The following UNC79 variants were observed in gnomAD, a reference collection of about 807,000 sequenced individuals.
The protein encoded by UNC79 is unc-79 subunit of NALCN channel complex, also known as protein unc-79 homolog.
A neutral mutation model predicts 283.1 loss-of-function variants in UNC79; 37 were observed. The ratio of observed to expected loss-of-function variants is 0.13; its 90% CI spans 0.10 to 0.17. The LOEUF (loss-of-function observed/expected upper bound fraction) is 0.17. UNC79 is among the 10% of genes least tolerant of loss of function. UNC79 has a pLI of 1.00. For synonymous variants in UNC79, 1,107 were observed against 1,200.2 expected (o/e 0.92, Z 1.61); for missense variants, 2,272 against 3,211.1 (o/e 0.71, Z 7.07).
intron 43 of UNC79, among the ~76,000 whole-genome samples, chr14:93,686,894 T>C (rs1216808401): frequency 6.6e-6 from 1 of 152,184 alleles, no homozygotes; most frequent in African/African-American, 2.4e-5. Context: ...ACTTTTGCCA[T>C]ATATTCACTT....
intron 1 of UNC79, among the ~76,000 whole-genome samples, chr14:93,457,366 G>T (rs1356382337): frequency 6.6e-6 from 1 of 152,242 alleles, no homozygotes; most frequent in Non-Finnish European, 1.5e-5. Context: ...TGCTATGAAA[G>T]TGCCGAGGAG....
chr14:93,478,389 GAA>G (rs1233882375), intron 4 of UNC79, among the ~76,000 whole-genome samples: 1 of 151,962 alleles, frequency 6.6e-6, no homozygotes, highest in East Asian at 1.9e-4. Flanking sequence ...CGCACAAAGA[GAA>G]AAAAATATTG....
intron 14 of UNC79, among the ~76,000 whole-genome samples, chr14:93,558,284 C>T (rs1013230558): frequency 5.3e-5 from 8 of 152,282 alleles, no homozygotes; most frequent in African/African-American, 7.2e-5. Flanking sequence ...AGGCTGGGCG[C>T]GGTGGCTCAC....
rs540561674 is a variant in UNC79 at position 93,621,749 on chromosome 14, A to C, written c.4516A>C (p.Asn1506His). The change falls in exon 30 of 49, where the codon AAT becomes CAT. Residue 1506 changes from asparagine (N) to histidine (H), a missense_variant. By Grantham distance (68) the Asn-to-His change is moderately conservative. Around this residue, in one of 11 missense-constraint regions of UNC79, gnomAD observed 580 missense variants for 632.2 expected, o/e 0.92. Transcript: ENST00000555664. The surrounding 1 kb of genome is among the most constrained non-coding windows in gnomAD (Gnocchi z 4.8). ...CAAACAAAAATCTCTTGATATAGGGAATGCAGACTCGCTTTTGTTTACATT... is the reference window on the plus strand; with the variant it reads ...CAAACAAAAATCTCTTGATATAGGGCATGCAGACTCGCTTTTGTTTACATT... 1 of 1,614,186 alleles carries C rather than the reference A, an allele frequency of 6.2e-7. No individual in the cohort carries two copies. Among genetic ancestry groups the C allele is most frequent in the African/African-American group, 1.3e-5 (1 of 75,064 alleles).
At chr14:93,349,280 T>C (rs977538223) in intron 1 of UNC79, among the ~76,000 whole-genome samples, 1 of 152,194 alleles carries the variant, frequency 6.6e-6, no homozygotes, top group Non-Finnish European at 1.5e-5. Flanking sequence ...GAGAAACACA[T>C]ATTCACCTGG....
intron 41 of UNC79, among the ~76,000 whole-genome samples, chr14:93,673,826 G>A (rs535938185): frequency 1.5e-3 from 225 of 152,284 alleles, no homozygotes; most frequent in Non-Finnish European, 2.9e-3. Flanking sequence ...AGGTCTGACT[G>A]CAGAGTCAAA....
chr14:93,619,918 T>G (rs78565518), intron 29 of UNC79, among the ~76,000 whole-genome samples: 2,426 of 152,356 alleles, frequency 0.016, 64 homozygotes, highest in African/African-American at 0.055. Flanking sequence ...CCTTTTCTGT[T>G]GCCACTTTGT....
intron 31 of UNC79, among the ~76,000 whole-genome samples, chr14:93,635,010 T>C (rs2068388576): frequency 6.6e-6 from 1 of 152,196 alleles, no homozygotes; most frequent in Non-Finnish European, 1.5e-5. Context: ...TGAGGGAATA[T>C]TTATAGTAAT....
exon 48 of UNC79, chr14:93,704,633 T>A (rs1354831698): frequency 6.2e-7 from 1 of 1,614,216 alleles, no homozygotes; most frequent in East Asian, 2.2e-5. Flanking sequence ...AGCTGATACC[T>A]ATGTGGTTGC....
At chr14:93,618,919 T>C (rs1313404539) in intron 29 of UNC79, among the ~76,000 whole-genome samples, 1 of 152,164 alleles carries the variant, frequency 6.6e-6, no homozygotes, top group Non-Finnish European at 1.5e-5. Context: ...AATGCAACTT[T>C]AGCTAGGGTA....
intron 1 of UNC79, among the ~76,000 whole-genome samples, chr14:93,363,619 G>A (rs920289507): frequency 6.6e-6 from 1 of 152,182 alleles, no homozygotes; most frequent in Admixed American, 6.5e-5. Flanking sequence ...AGGTCTCTAA[G>A]AACTTGTTTT....
At chr14:93,393,268 A>G (rs561522412) in intron 1 of UNC79, among the ~76,000 whole-genome samples, 13 of 152,320 alleles carry the variant, frequency 8.5e-5, no homozygotes, top group African/African-American at 3.1e-4. Flanking sequence ...AAATTCCAAC[A>G]AAAGTTTGGA....
chr14:93,444,008 T>C lies in UNC79; in HGVS notation c.22+12957T>C, dbSNP rs1445844238. 2.0e-5 allele frequency among the ~76,000 whole-genome samples: 3 copies of C among 152,232 alleles called. No homozygotes were observed. The East Asian group carries it at 5.8e-4, about 29-fold the overall frequency. On this transcript the variant is annotated intron_variant, in intron 1 of 48. Transcript: ENST00000555664. ...TATGGTTAATGAATGTTTACCGTTA[T>C]AAGGTATTTCTATACTATTTTGCAA... is the stretch of plus-strand genomic sequence containing the variant.
chr14:93,411,879 C>T (rs565376012), intron 1 of UNC79, among the ~76,000 whole-genome samples: 3 of 152,282 alleles, frequency 2.0e-5, no homozygotes, highest in South Asian at 2.1e-4. Context: ...AATGCCCAGA[C>T]GCAGACAAAC....
chr14:93,597,686 T>G (rs1182852821), intron 24 of UNC79, 146 bp downstream of exon 24: 17 of 979,640 alleles, frequency 1.7e-5, no homozygotes, highest in Non-Finnish European at 2.3e-5. Context: ...AGAAATTTAT[T>G]TCGCAGATTG....
At chr14:93,698,601 T>G in intron 47 of UNC79, among the ~76,000 whole-genome samples, 1 of 150,244 alleles carries the variant, frequency 6.7e-6, no homozygotes, top group East Asian at 2.0e-4. Context: ...TTCTCGTGCT[T>G]TAGTCTCCTG....
chr14:93,482,287 A>G (rs1323596546), intron 4 of UNC79, among the ~76,000 whole-genome samples: 1 of 152,168 alleles, frequency 6.6e-6, no homozygotes, highest in African/African-American at 2.4e-5. Flanking sequence ...TAATGATTGT[A>G]GCAGTTTTTG....
chr14:93,485,288 G>T (rs1354285102), intron 4 of UNC79, among the ~76,000 whole-genome samples: 1 of 151,158 alleles, frequency 6.6e-6, no homozygotes, highest in Non-Finnish European at 1.5e-5. Context: ...TCTGAGACAA[G>T]AATTTCTCTT....
chr14:93,697,917 A>G (rs114749461), intron 47 of UNC79, among the ~76,000 whole-genome samples: 2,036 of 152,320 alleles, frequency 0.013, 41 homozygotes, highest in African/African-American at 0.045. Flanking sequence ...GCTGCATCCA[A>G]CAATTTGGCA....
Sources: gnomAD v4.1 joint callset for allele counts (sites outside exome capture counted in the v4.1 genomes callset) on GRCh38, gnomAD v4.1.1 for gene constraint, gnomAD v4.1.1 regional missense constraint, Gnocchi (gnomAD v3.1) non-coding constraint, MANE v1.5 for transcripts, NCBI Gene and HGNC (gene_info 2026-07-23, HGNC 2026-07-21) for gene names.